Variants in ZBTB7C observed in about 807,000 individuals in gnomAD.
The protein encoded by ZBTB7C is zinc finger and BTB domain containing 7C.
Under a neutral mutation model 25.7 loss-of-function variants are expected in ZBTB7C, and 8 were observed. That is an observed-to-expected ratio of 0.31 (90% CI 0.18 to 0.56). The LOEUF (loss-of-function observed/expected upper bound fraction) is 0.56. Among genes scored for constraint, ZBTB7C ranks in the 20% least tolerant of loss-of-function variants. The pLI is 0.91. For synonymous variants in ZBTB7C, 394 were observed against 369.0 expected (o/e 1.07, Z -0.78); for missense variants, 824 against 855.2 (o/e 0.96, Z 0.46).
chr18:48,150,418 C>G (rs2040638722), intron 3 of ZBTB7C: 1 of 151,938 alleles, frequency 6.6e-6, no homozygotes. Flanking sequence ...TCTGTCTCTA[C>G]TAAAAACACA....
rs1457148100 is a variant in ZBTB7C, at chr18:48,404,443, G to T, written c.-304+4783C>A. Reference sequence around the variant, plus strand: ...AAGGGGAGGTCAGAGACGCAGACAGGGACCAGATCCCGCATGCCCACGGTT... The same window carrying T: ...AAGGGGAGGTCAGAGACGCAGACAGTGACCAGATCCCGCATGCCCACGGTT... On this transcript the variant is annotated intron_variant, in intron 1 of 4. Coordinates refer to ENST00000590800, the MANE Select transcript of ZBTB7C (RefSeq NM_001318841.2). 2.0e-5 allele frequency among the ~76,000 whole-genome samples: 3 copies of T among 152,302 alleles called. No homozygotes were observed. The East Asian group carries it at 5.8e-4, about 29-fold the overall frequency.
intron 2 of ZBTB7C, among the ~76,000 whole-genome samples, chr18:48,210,411 T>C (rs893463531): frequency 1.9e-4 from 29 of 152,188 alleles, no homozygotes; most frequent in Admixed American, 1.7e-3. Flanking sequence ...CAAATGTCCA[T>C]CAATTGATGA....
At chr18:48,376,689 C>T (rs970180602) in intron 1 of ZBTB7C, among the ~76,000 whole-genome samples, 3 of 152,244 alleles carry the variant, frequency 2.0e-5, no homozygotes, top group African/African-American at 4.8e-5. Flanking sequence ...CAACCCCTTG[C>T]GGCTTTGCTT....
At chr18:48,069,109 G>A (rs1351795567) in intron 3 of ZBTB7C, among the ~76,000 whole-genome samples, 3 of 152,220 alleles carry the variant, frequency 2.0e-5, no homozygotes, top group South Asian at 2.1e-4. Context: ...CGGCCCCAGC[G>A]CAGCCAGGGC....
chr18:48,110,134 C>T (rs560917219), intron 3 of ZBTB7C, among the ~76,000 whole-genome samples: 1 of 152,370 alleles, frequency 6.6e-6, no homozygotes, highest in East Asian at 1.9e-4. Context: ...CCATTGTCAT[C>T]ACCCATTGTG....
chr18:48,226,232 T>C (rs2043088227), intron 2 of ZBTB7C, among the ~76,000 whole-genome samples: 1 of 152,234 alleles, frequency 6.6e-6, no homozygotes, highest in African/African-American at 2.4e-5. Flanking sequence ...GGCTATTTAT[T>C]ACATAGCAAT....
rs147953996 is a variant in ZBTB7C at position 48,305,932 on chromosome 18, T to A, written c.-79+32242A>T. On this transcript the variant is annotated intron_variant, in intron 2 of 4. Transcript: ENST00000590800. The stretch of plus-strand genomic sequence containing the variant: ...AAGGATGATGCTATGTAGCCCGAGC[T>A]CACTGAAGTTTTTGCAAGAGAAATG... Among the ~76,000 whole-genome samples the A allele has an allele frequency of 3.3e-3, 509 of 152,190 alleles. 5 individuals carry two copies. Among genetic ancestry groups the A allele is most frequent in the African/African-American group, 0.01 (428 of 41,534 alleles).
At chr18:48,333,311 A>T (rs1010979099) in intron 2 of ZBTB7C, among the ~76,000 whole-genome samples, 1 of 152,238 alleles carries the variant, frequency 6.6e-6, no homozygotes, top group African/African-American at 2.4e-5. Context: ...TACTAATTTT[A>T]AAGAAACAGA....
chr18:48,071,279 A>G (rs4073979), intron 3 of ZBTB7C, among the ~76,000 whole-genome samples: 36,185 of 152,132 alleles, frequency 0.24, 4,583 homozygotes, highest in Non-Finnish European at 0.27. Flanking sequence ...CTGGTCATTT[A>G]TAATTTTGAG....
chr18:48,148,831 T>A (rs1456267401), intron 3 of ZBTB7C: 1 of 152,210 alleles, frequency 6.6e-6, no homozygotes, highest in East Asian at 1.9e-4. Flanking sequence ...CCAAAGGTAA[T>A]GAGACCCGCC....
intron 4 of ZBTB7C, among the ~76,000 whole-genome samples, chr18:48,037,430 A>G (rs2036022851): frequency 6.6e-6 from 1 of 152,212 alleles, no homozygotes; most frequent in Non-Finnish European, 1.5e-5. Context: ...CTCCTATACA[A>G]CACAGCACTG....
At chr18:48,354,535 T>C (rs2046934522) in intron 1 of ZBTB7C, among the ~76,000 whole-genome samples, 1 of 152,168 alleles carries the variant, frequency 6.6e-6, no homozygotes, top group Non-Finnish European at 1.5e-5. Context: ...ACTTTTCACA[T>C]CACCATCCCC....
At chr18:48,389,218 C>CGTGTG (rs1568418108) in intron 1 of ZBTB7C, among the ~76,000 whole-genome samples, 1 of 126,826 alleles carries the variant, frequency 7.9e-6, no homozygotes, top group African/African-American at 3.1e-5. Flanking sequence ...CTCTCTCTCT[C>CGTGTG]TCTCTCTCTC....
intron 1 of ZBTB7C, among the ~76,000 whole-genome samples, chr18:48,367,663 C>G (rs752454198): frequency 6.6e-6 from 1 of 152,010 alleles, no homozygotes; most frequent in South Asian, 2.1e-4. Flanking sequence ...GGAAACACTG[C>G]GGCCCACCCT....
At position 48,328,051 on chromosome 18, in the gene ZBTB7C, G is replaced by A. The variant is rs556091956; in HGVS notation, c.-79+10123C>T. On this transcript the variant is annotated intron_variant, in intron 2 of 4. Coordinates refer to ENST00000590800, the MANE Select transcript of ZBTB7C (RefSeq NM_001318841.2). The stretch of plus-strand genomic sequence containing the variant: ...GTGAAAATTAGCCGGGCGTGGTGGC[G>A]GGTGCCTGTAGTCCCAGCTACTTGG... Among the ~76,000 whole-genome samples the A allele has an allele frequency of 8.0e-4, 121 of 151,858 alleles. 1 individual carries two copies. Among genetic ancestry groups the A allele is most frequent in the African/African-American group, 2.0e-3 (82 of 41,420 alleles).
rs947640606 is a variant in ZBTB7C, at chr18:48,087,856, G to A, written c.-16-46733C>T. 5.3e-5 allele frequency: 5 copies of A among 93,800 alleles called. No individual in the cohort carries two copies. In the East Asian group the frequency reaches 2.0e-3, roughly 38 times the overall value. The allele number at this position is 93,800 out of a possible 1,614,324, so 5.8% of individuals were successfully genotyped here. A position where few individuals can be genotyped will look rare whatever the true frequency, so the allele number is the denominator to read the frequency against. ...TACTTTTAAAAGTGGGTGGGGGGGGGGGGCATTTTTCCATATTTTTCTTAT... is the reference window on the plus strand; with the variant it reads ...TACTTTTAAAAGTGGGTGGGGGGGGAGGGCATTTTTCCATATTTTTCTTAT... On this transcript the variant is annotated intron_variant, in intron 3 of 4. Transcript: ENST00000590800.
intron 3 of ZBTB7C, among the ~76,000 whole-genome samples, chr18:48,067,733 G>A (rs2037383851): frequency 6.6e-6 from 1 of 152,172 alleles, no homozygotes. Context: ...TGGGCATGGT[G>A]GCTCATGCCT....
intron 3 of ZBTB7C, among the ~76,000 whole-genome samples, chr18:48,169,297 C>T (rs1226707728): frequency 6.6e-6 from 1 of 152,170 alleles, no homozygotes; most frequent in African/African-American, 2.4e-5. Context: ...GTCCTTACCA[C>T]TCGATTGGAC....
rs903861286 is a variant in ZBTB7C at position 48,105,514 on chromosome 18, T to C, written c.-16-64391A>G. 2.0e-5 allele frequency among the ~76,000 whole-genome samples: 3 copies of C among 151,146 alleles called. No homozygotes were observed. In the Admixed American group the frequency reaches 2.0e-4, roughly 10 times the overall value. On this transcript the variant is annotated intron_variant, in intron 3 of 4. Coordinates refer to ENST00000590800, the MANE Select transcript of ZBTB7C (RefSeq NM_001318841.2). ...TAATACCAGTAGTGCCTCCCAGTGG[T>C]GGGACAATTCCAAACATGCCCCCTA... is the stretch of plus-strand genomic sequence containing the variant.
Sources: allele counts gnomAD v4.1 joint callset (sites outside exome capture counted in the v4.1 genomes callset), GRCh38; gene constraint gnomAD v4.1.1; transcripts MANE v1.5; gene names NCBI Gene and HGNC (gene_info 2026-07-23, HGNC 2026-07-21).